The following TMEM132D variants were observed in gnomAD, a reference collection of about 807,000 sequenced individuals.
TMEM132D encodes mature OL transmembrane protein.
A neutral mutation model predicts 62.3 loss-of-function variants in TMEM132D; 21 were observed. That is an observed-to-expected ratio of 0.34 (90% CI 0.24 to 0.49). TMEM132D has a LOEUF of 0.49. TMEM132D is among the 20% of genes least tolerant of loss of function. The probability of loss-of-function intolerance (pLI) is 0.99; values close to 1 mark genes in which losing one functional copy is unlikely to be tolerated. For missense variants in TMEM132D, 1,346 were observed against 1,402.8 expected, an observed-to-expected ratio of 0.96 and a Z score of 0.65; for synonymous variants, 621 against 575.6, an observed-to-expected ratio of 1.08 and a Z score of -1.13.
At chr12:129,786,832 A>C (rs1022359083) in intron 1 of TMEM132D, among the ~76,000 whole-genome samples, 2 of 152,212 alleles carry the variant, frequency 1.3e-5, no homozygotes, top group Non-Finnish European at 1.5e-5. Flanking sequence ...TGGAGGTTGC[A>C]GTGAGCCAAG....
At chr12:129,825,037 G>A (rs1872627052) in intron 1 of TMEM132D, among the ~76,000 whole-genome samples, 3 of 144,810 alleles carry the variant, frequency 2.1e-5, no homozygotes, top group African/African-American at 7.8e-5. Flanking sequence ...TCCCTGAGAT[G>A]GAGTCTCACT....
intron 2 of TMEM132D, among the ~76,000 whole-genome samples, chr12:129,606,468 T>C (rs531776190): frequency 6.6e-6 from 1 of 152,196 alleles, no homozygotes; most frequent in South Asian, 2.1e-4. Flanking sequence ...TGAGATGGTG[T>C]GGGCGAGCTC....
intron 3 of TMEM132D, among the ~76,000 whole-genome samples, chr12:129,406,619 C>CAAA (rs772303670): frequency 9.8e-6 from 1 of 102,108 alleles, no homozygotes; most frequent in African/African-American, 3.3e-5. Context: ...GACTCCACCT[C>CAAA]AAAAAAAAAA....
chr12:129,463,845 G>A (rs1156636011), intron 3 of TMEM132D, among the ~76,000 whole-genome samples: 5 of 151,578 alleles, frequency 3.3e-5, no homozygotes, highest in African/African-American at 7.3e-5. Flanking sequence ...TGGTGTATAT[G>A]TGCCACATTT....
chr12:129,142,248 C>T (rs1378705329), intron 5 of TMEM132D, among the ~76,000 whole-genome samples: 5 of 152,116 alleles, frequency 3.3e-5, no homozygotes, highest in African/African-American at 9.7e-5. Flanking sequence ...CTGCCCCTAT[C>T]GTACGTTGAT....
At chr12:129,747,727 GACAC>G (rs958596974) in intron 1 of TMEM132D, among the ~76,000 whole-genome samples, 3 of 143,170 alleles carry the variant, frequency 2.1e-5, no homozygotes, top group Non-Finnish European at 3.0e-5. Flanking sequence ...CATACACACA[GACAC>G]ACACACACTT....
intron 4 of TMEM132D, among the ~76,000 whole-genome samples, chr12:129,219,732 A>C (rs969515467): frequency 1.3e-5 from 2 of 152,208 alleles, no homozygotes; most frequent in Non-Finnish European, 2.9e-5. Context: ...AACCTTGGAG[A>C]GGCTGAAAGC....
At chr12:129,890,902 T>C (rs553187030) in intron 1 of TMEM132D, among the ~76,000 whole-genome samples, 4 of 152,328 alleles carry the variant, frequency 2.6e-5, no homozygotes, top group Non-Finnish European at 2.9e-5. Context: ...TCGAACCAAA[T>C]AGATCCTAGG....
intron 1 of TMEM132D, among the ~76,000 whole-genome samples, chr12:129,738,822 G>A (rs1422135639): frequency 6.6e-6 from 1 of 152,162 alleles, no homozygotes; most frequent in Non-Finnish European, 1.5e-5. Flanking sequence ...AGTAGAACCT[G>A]CTTTCATTCT....
intron 2 of TMEM132D, among the ~76,000 whole-genome samples, chr12:129,671,714 G>A (rs576052837): frequency 3.3e-5 from 5 of 152,248 alleles, no homozygotes; most frequent in East Asian, 1.9e-4. Context: ...GTGGGAGCAC[G>A]GAGAGGAAGG....
At chr12:129,609,790 AC>A (rs1878721751) in intron 2 of TMEM132D, among the ~76,000 whole-genome samples, 1 of 152,094 alleles carries the variant, frequency 6.6e-6, no homozygotes. Flanking sequence ...CGGAAACCAC[AC>A]CCCTGTTACC....
intron 6 of TMEM132D, among the ~76,000 whole-genome samples, chr12:129,083,861 C>G (rs7303836): frequency 6.6e-6 from 1 of 152,064 alleles, no homozygotes; most frequent in Non-Finnish European, 1.5e-5. Context: ...GGTTGCCTGA[C>G]GGTAGATGGT....
intron 2 of TMEM132D, among the ~76,000 whole-genome samples, chr12:129,653,876 C>T (rs1351829548): frequency 3.3e-5 from 5 of 152,164 alleles, no homozygotes; most frequent in Non-Finnish European, 5.9e-5. Context: ...ACATTATTCA[C>T]GTTTCTTCCA....
chr12:129,681,197 G>T (rs900958046), intron 2 of TMEM132D, among the ~76,000 whole-genome samples: 7 of 152,198 alleles, frequency 4.6e-5, no homozygotes, highest in Admixed American at 4.6e-4. Context: ...GGGCTGATTA[G>T]TGACACTTTT....
At chr12:129,771,450 T>C (rs1427148705) in intron 1 of TMEM132D, among the ~76,000 whole-genome samples, 1 of 152,228 alleles carries the variant, frequency 6.6e-6, no homozygotes, top group Non-Finnish European at 1.5e-5. Context: ...TCCGCTACTA[T>C]CATTAGCATG....
intron 1 of TMEM132D, among the ~76,000 whole-genome samples, chr12:129,784,454 T>G (rs1871203037): frequency 6.6e-6 from 1 of 152,210 alleles, no homozygotes; most frequent in Non-Finnish European, 1.5e-5. Context: ...ATTTTTAATG[T>G]TTTTCAGACT....
At chr12:129,183,497 G>A (rs1319236676) in intron 5 of TMEM132D, among the ~76,000 whole-genome samples, 1 of 152,234 alleles carries the variant, frequency 6.6e-6, no homozygotes, top group East Asian at 1.9e-4. Context: ...CACGCCACCT[G>A]AGCTCCTAGA....
At chr12:129,487,475 A>G (rs1874617992) in intron 3 of TMEM132D, among the ~76,000 whole-genome samples, 1 of 152,176 alleles carries the variant, frequency 6.6e-6, no homozygotes, top group South Asian at 2.1e-4. Flanking sequence ...CTGGGACATC[A>G]ATCATCCTGC....
chr12:129,366,230 T>A (rs372168747), intron 3 of TMEM132D, among the ~76,000 whole-genome samples: 2 of 152,186 alleles, frequency 1.3e-5, no homozygotes, highest in Non-Finnish European at 2.9e-5. Context: ...CGCCCAAATC[T>A]CCTGTTGAAT....
Sources: gnomAD v4.1 joint callset for allele counts (sites outside exome capture counted in the v4.1 genomes callset) on GRCh38, gnomAD v4.1.1 for gene constraint, MANE v1.5 for transcripts, NCBI Gene and HGNC (gene_info 2026-07-23, HGNC 2026-07-21) for gene names.